Variants in SCAF11 observed in about 807,000 individuals in gnomAD.
The protein encoded by SCAF11 is SR-related CTD associated factor 11.
SCAF11 carries 47 observed loss-of-function variants against 140.5 expected under a neutral mutation model. The ratio of observed to expected loss-of-function variants is 0.33; its 90% CI spans 0.26 to 0.43. SCAF11 has a LOEUF of 0.43. SCAF11 is among the 20% of genes least tolerant of loss of function. SCAF11 has a pLI of 1.00. For missense variants in SCAF11, 1,645 were observed against 1,705.1 expected, an observed-to-expected ratio of 0.96 and a Z score of 0.62; for synonymous variants, 557 against 579.4, an observed-to-expected ratio of 0.96 and a Z score of 0.55.
At chr12:45,956,777 T>A (rs978352055) in intron 3 of SCAF11, among the ~76,000 whole-genome samples, 3 of 152,196 alleles carry the variant, frequency 2.0e-5, no homozygotes, top group African/African-American at 7.2e-5. Flanking sequence ...AAACTACCCA[T>A]ACAGATCATT....
chr12:45,922,024 A>AT lies in SCAF11; in HGVS notation c.*23dup. On this transcript the variant is annotated 3_prime_UTR_variant, in exon 15 of 15. Transcript: ENST00000369367. The stretch of plus-strand genomic sequence containing the variant: ...ATTGCACTTTGCAGATATCCTGATA[A>AT]TGTCCTTGACAGCGTTCCCCATTTC... 7 of 1,598,908 alleles carry AT rather than the reference A, an allele frequency of 4.4e-6. No homozygotes were observed. The highest frequency in any genetic ancestry group is 6.0e-6 in the Non-Finnish European group (7 of 1,175,622).
intron 1 of SCAF11, among the ~76,000 whole-genome samples, chr12:45,976,154 A>G (rs1171763135): frequency 6.6e-6 from 1 of 152,202 alleles, no homozygotes; most frequent in Admixed American, 6.5e-5. Flanking sequence ...GGAAAGGTAA[A>G]GGGACATACA....
At position 45,977,390 on chromosome 12, in the gene SCAF11, T is replaced by C. The variant is rs141512061; in HGVS notation, c.-22+12963A>G. On this transcript the variant is annotated intron_variant, in intron 1 of 14. Transcript: ENST00000369367. The stretch of plus-strand genomic sequence containing the variant: ...AGAATTGCATTTACATGCAAACCTA[T>C]AGTGATGAAGAACTTGTTAGCAGTT... 1.7e-3 allele frequency among the ~76,000 whole-genome samples: 252 copies of C among 152,150 alleles called. 1 individual carries two copies. Among genetic ancestry groups the C allele is most frequent in the African/African-American group, 5.8e-3 (242 of 41,534 alleles).
At chr12:45,946,375 CA>C (rs1237660908) in intron 5 of SCAF11, among the ~76,000 whole-genome samples, 1 of 151,974 alleles carries the variant, frequency 6.6e-6, no homozygotes, top group African/African-American at 2.4e-5. Flanking sequence ...TCCAAGACTC[CA>C]AAAAAGAGTA....
At position 45,925,092 on chromosome 12, in the gene SCAF11, G is replaced by C. The variant is rs772353129; in HGVS notation, c.3560-18C>G. ...GCTAGAATCTATCAAAAGAAAAAAA[G>C]CTTGTGAAAAAAATCATGTTATAAA... On this transcript the variant is annotated intron_variant, in intron 11 of 14. Coordinates refer to ENST00000369367, the MANE Select transcript of SCAF11 (RefSeq NM_004719.3). The C allele has an allele frequency of 6.4e-7, 1 of 1,570,232 alleles. No individual in the cohort carries two copies. The highest frequency in any genetic ancestry group is 8.7e-7 in the Non-Finnish European group (1 of 1,155,564).
chr12:45,934,365 C>A (rs1012174619), intron 7 of SCAF11, 80 bp from the exon 8 acceptor site: 36 of 1,368,366 alleles, frequency 2.6e-5, no homozygotes, highest in Non-Finnish European at 3.2e-5. Context: ...TTTTGATACA[C>A]CTGAAGCACT....
intron 1 of SCAF11, among the ~76,000 whole-genome samples, chr12:45,965,798 T>C (rs1945932040): frequency 6.6e-6 from 1 of 152,202 alleles, no homozygotes; most frequent in Non-Finnish European, 1.5e-5. Context: ...AGTTTCTACA[T>C]TAAAGGTATG....
At chr12:45,967,008 GATTT>G (rs1341509041) in intron 1 of SCAF11, among the ~76,000 whole-genome samples, 5 of 152,112 alleles carry the variant, frequency 3.3e-5, no homozygotes, top group East Asian at 1.9e-4. Flanking sequence ...GTAACGCAAT[GATTT>G]ATTTGTCCTA....
rs114628877 is a variant in SCAF11 at position 45,981,005 on chromosome 12, T to A, written c.-22+9348A>T. On this transcript the variant is annotated intron_variant, in intron 1 of 14. Transcript: ENST00000369367. ...GTTTGTTTTAGGGAAACAGGGCAGG[T>A]GATTTATAAATTAACAAAATAAAGA... Among the ~76,000 whole-genome samples the A allele has an allele frequency of 7.2e-3, 1,096 of 152,300 alleles. 10 individuals are homozygous for A. The highest frequency in any genetic ancestry group is 0.025 in the African/African-American group (1,038 of 41,568).
chr12:45,989,980 C>G (rs557625513), intron 1 of SCAF11, among the ~76,000 whole-genome samples: 39 of 152,040 alleles, frequency 2.6e-4, no homozygotes, highest in Admixed American at 1.0e-3. Flanking sequence ...CCCCTTCCCC[C>G]CCCCCCGTAG....
At position 45,955,969 on chromosome 12, in the gene SCAF11, TAAG is replaced by T. The variant is rs1163542103; in HGVS notation, c.220-4245_220-4243del. 1.1e-5 allele frequency: 7 copies of T among 634,220 alleles called. No individual in the cohort carries two copies. In the African/African-American group the frequency reaches 1.3e-4, roughly 12 times the overall value. The allele number at this position is 634,220 out of a possible 1,614,324, so 39.3% of individuals were successfully genotyped here. ...TCTGTACTAAGGTTGTTGTATCAGT[TAAG>T]AAGGCAATTTTGATAGAAAAAAATA... is the stretch of plus-strand genomic sequence containing the variant. On this transcript the variant is annotated intron_variant, in intron 3 of 14. Coordinates refer to ENST00000369367, the MANE Select transcript of SCAF11 (RefSeq NM_004719.3).
At chr12:45,963,884 T>C (rs1945879117) in intron 2 of SCAF11, among the ~76,000 whole-genome samples, 4 of 151,896 alleles carry the variant, frequency 2.6e-5, no homozygotes, top group Admixed American at 2.6e-4. Flanking sequence ...AGTAAACCTT[T>C]AAGAAAAAAG....
chr12:45,979,174 T>C (rs1336884504), intron 1 of SCAF11, among the ~76,000 whole-genome samples: 4 of 140,288 alleles, frequency 2.9e-5, no homozygotes, highest in African/African-American at 1.0e-4. Flanking sequence ...CCAGCCCTTA[T>C]AGAAGGCACT....
rs367787539 is a variant in SCAF11, at chr12:45,926,889, G to A, written c.2812C>T (p.His938Tyr). Reference sequence around the variant, plus strand: ...CTACATCTTGAGGGGGACCTAGAATGAGATCTGGACCTAGACCACTTTCTG... The same window carrying A: ...CTACATCTTGAGGGGGACCTAGAATAAGATCTGGACCTAGACCACTTTCTG... ...RTRKWSRSRS[H>Y]SRSPSRCRTK... The change falls in exon 11 of 15, where the codon CAT becomes TAT. Residue 938 changes from histidine (H) to tyrosine (Y), a missense_variant. Around this residue, in one of 2 missense-constraint regions of SCAF11, gnomAD observed 1,582 missense variants for 1,609.2 expected, o/e 0.98. Coordinates refer to ENST00000369367, the MANE Select transcript of SCAF11 (RefSeq NM_004719.3). 100 of 1,613,590 alleles carry A rather than the reference G, an allele frequency of 6.2e-5. No homozygotes were observed. Among genetic ancestry groups the A allele is most frequent in the Non-Finnish European group, 7.9e-5 (93 of 1,180,014 alleles).
chr12:45,942,304 C>G (rs535935396), intron 6 of SCAF11, among the ~76,000 whole-genome samples: 1 of 152,338 alleles, frequency 6.6e-6, no homozygotes, highest in East Asian at 1.9e-4. Context: ...CCACTAATAT[C>G]TCCTTGGCCC....
At chr12:45,947,780 T>G (rs1945458904) in intron 5 of SCAF11, among the ~76,000 whole-genome samples, 1 of 152,120 alleles carries the variant, frequency 6.6e-6, no homozygotes. Context: ...GGGTTCAAGA[T>G]ATCTCCCTGC....
chr12:45,951,602 C>T, intron 4 of SCAF11, 48 bp downstream of exon 4: 1 of 1,246,660 alleles, frequency 8.0e-7, no homozygotes. Context: ...AGTCAAACAG[C>T]TTCAATTAAT....
At chr12:45,954,451 G>A (rs891568759) in intron 3 of SCAF11, among the ~76,000 whole-genome samples, 1 of 152,000 alleles carries the variant, frequency 6.6e-6, no homozygotes, top group Non-Finnish European at 1.5e-5. Flanking sequence ...TGCCCAGGGT[G>A]GTCTTGGACT....
intron 1 of SCAF11, among the ~76,000 whole-genome samples, chr12:45,989,455 A>C (rs1394704420): frequency 6.6e-6 from 1 of 152,264 alleles, no homozygotes; most frequent in East Asian, 1.9e-4. Context: ...TAGACACTGT[A>C]TGTAATACAA....
Sources: gnomAD v4.1 joint callset for allele counts (sites outside exome capture counted in the v4.1 genomes callset) on GRCh38, gnomAD v4.1.1 for gene constraint, gnomAD v4.1.1 regional missense constraint, MANE v1.5 for transcripts, NCBI Gene and HGNC (gene_info 2026-07-23, HGNC 2026-07-21) for gene names.